CACNB1: variants seen among roughly 807,000 people sequenced by gnomAD.
CACNB1 encodes voltage-dependent L-type calcium channel subunit beta-1.
CACNB1 carries 29 observed loss-of-function variants against 71.6 expected under a neutral mutation model. That is an observed-to-expected ratio of 0.40 (90% CI 0.30 to 0.55). The LOEUF (loss-of-function observed/expected upper bound fraction) is 0.55. CACNB1 is among the 20% of genes least tolerant of loss of function. The pLI, the probability that CACNB1 is intolerant of heterozygous loss-of-function variation, is 0.38. For synonymous variants in CACNB1, 300 were observed against 319.6 expected (o/e 0.94, Z 0.65); for missense variants, 623 against 801.8 (o/e 0.78, Z 2.69).
chr17:39,182,382 G>T (rs183113060), intron 11 of CACNB1, among the ~76,000 whole-genome samples: 61 of 149,438 alleles, frequency 4.1e-4, no homozygotes, highest in Admixed American at 3.9e-3. Context: ...GATGATAATG[G>T]TTACCACTAT....
chr17:39,182,927 T>C, intron 11 of CACNB1: 1 of 980,134 alleles, frequency 1.0e-6, no homozygotes, highest in East Asian at 1.1e-4. Flanking sequence ...CAATCAGAGC[T>C]TGAATTTCAA....
At chr17:39,176,508 G>T (rs547690322) in intron 13 of CACNB1, among the ~76,000 whole-genome samples, 6 of 152,274 alleles carry the variant, frequency 3.9e-5, no homozygotes, top group African/African-American at 1.4e-4. Context: ...AGTGCTTCAG[G>T]GGTCCCCATG....
At chr17:39,177,282 C>T (rs765307057) in intron 13 of CACNB1, 68 bp downstream of exon 13, 1 of 1,608,934 alleles carries the variant, frequency 6.2e-7, no homozygotes, top group South Asian at 1.1e-5. Flanking sequence ...CACCACACTG[C>T]CCCGCTGTGA....
In CACNB1 at chr17:39,174,896, C is replaced by A. The variant is rs773069799; in HGVS notation, c.*297G>T. On this transcript the variant is annotated 3_prime_UTR_variant, in exon 14 of 14. Coordinates refer to ENST00000394303, the MANE Select transcript of CACNB1 (RefSeq NM_000723.5). ...AGTAGAAAGAGTTAAGGAAGTGCAC[C>A]TTTTCTCTAGGAGGGTGAGGGAGGA... 3 of 390,208 alleles carry A rather than the reference C, an allele frequency of 7.7e-6. No homozygotes were observed. The highest frequency in any genetic ancestry group is 4.3e-5 in the Admixed American group (1 of 23,522). 24.2% of individuals were successfully genotyped at this position (390,208 alleles called of 1,614,324 possible).
intron 3 of CACNB1, among the ~76,000 whole-genome samples, chr17:39,189,618 C>A (rs571676977): frequency 1.3e-3 from 202 of 151,182 alleles, no homozygotes; most frequent in African/African-American, 4.7e-3. Context: ...CCTGCCTCAG[C>A]CTCCCAAGTA....
chr17:39,185,092 G>C (rs774250047), intron 7 of CACNB1, 39 bp downstream of exon 7: 1 of 1,600,442 alleles, frequency 6.2e-7, no homozygotes, highest in Admixed American at 1.7e-5. Flanking sequence ...GCTCATCCCA[G>C]GGAGTGGGGA....
At chr17:39,189,330 T>C (rs1380265900) in intron 3 of CACNB1, among the ~76,000 whole-genome samples, 1 of 151,664 alleles carries the variant, frequency 6.6e-6, no homozygotes, top group Non-Finnish European at 1.5e-5. Context: ...GCCATTGCAC[T>C]CCAGCTTGGG....
chr17:39,184,223 T>C (rs2045870056), intron 9 of CACNB1, 83 bp from the exon 10 acceptor site: 2 of 1,292,850 alleles, frequency 1.5e-6, no homozygotes, highest in Non-Finnish European at 2.2e-6. Context: ...GCCCGCCTTC[T>C]GTTCCTCAGT....
chr17:39,197,437 A>G lies in CACNB1; in HGVS notation c.59T>C (p.Met20Thr). 1 of 1,480,144 alleles carries G rather than the reference A, an allele frequency of 6.8e-7. No individual in the cohort carries two copies. The highest frequency in any genetic ancestry group is 1.3e-5 in the South Asian group (1 of 74,808). The allele number at this position is 1,480,144 out of a possible 1,614,324, so 91.7% of individuals were successfully genotyped here. Residue 20 changes from methionine (M) to threonine (T), a missense_variant, in exon 1 of 14, where the codon ATG becomes ACG. By Grantham distance (81) the Met-to-Thr change is moderately conservative (BLOSUM62 -1). Transcript: ENST00000394303. ...GPYPPSQEIP[M>T]EVFDPSPQGK... ...CTGCGGGCTGGGGTCGAAGACCTCC[A>G]TGGGGATCTCCTGGGAGGGTGGGTA...
In CACNB1 at chr17:39,184,283, G is replaced by A. The variant is rs970159464; in HGVS notation, c.788+42C>T. On this transcript the variant is annotated intron_variant, in intron 9 of 13. Transcript: ENST00000394303. ...GGCATCCTGCCCATCCCCAGCAGCA[G>A]AGAGCAACGGCAGGTGCGAGGAGCA... 9 of 1,398,030 alleles carry A rather than the reference G, an allele frequency of 6.4e-6. No homozygotes were observed. The East Asian group carries it at 2.0e-4, about 31-fold the overall frequency. The allele number at this position is 1,398,030 out of a possible 1,614,324, so 86.6% of individuals were successfully genotyped here.
rs2046226447 is a variant in CACNB1, at chr17:39,197,498, A to AGAG, written c.-6_-4dup. The AGAG allele has an allele frequency of 8.7e-6, 13 of 1,491,842 alleles. No individual in the cohort carries two copies. The highest frequency in any genetic ancestry group is 1.2e-5 in the Non-Finnish European group (13 of 1,123,210). The allele number at this position is 1,491,842 out of a possible 1,614,324, so 92.4% of individuals were successfully genotyped here. ...GACATGCTGGTCTTCTGGACCATGGAGAGGAGCCTCCCCTCCCGCCGCCGG... is the reference window on the plus strand; with the variant it reads ...GACATGCTGGTCTTCTGGACCATGGAGAGGAGGAGCCTCCCCTCCCGCCGCCGG... On this transcript the variant is annotated 5_prime_UTR_variant, in exon 1 of 14. Transcript: ENST00000394303.
chr17:39,182,404 A>AT (rs1313165689), intron 11 of CACNB1, among the ~76,000 whole-genome samples: 1 of 151,684 alleles, frequency 6.6e-6, no homozygotes, highest in Admixed American at 6.6e-5. Flanking sequence ...GGCTGCCCTC[A>AT]TAAATCAGAG....
chr17:39,195,100 T>G, intron 1 of CACNB1, 130 bp from the exon 2 acceptor site: 7 of 631,962 alleles, frequency 1.1e-5, no homozygotes, highest in Non-Finnish European at 1.7e-5. Context: ...CCCCTGCACA[T>G]TCCTCCTGAG....
At chr17:39,195,331 A>G in intron 1 of CACNB1, 1 of 190,290 alleles carries the variant, frequency 5.3e-6, no homozygotes, top group Non-Finnish European at 1.1e-5. Context: ...GCCTCCGAGG[A>G]AGGGAGAGGC....
At chr17:39,193,771 G>A (rs561725845) in intron 2 of CACNB1, 12 of 212,586 alleles carry the variant, frequency 5.6e-5, no homozygotes, top group East Asian at 1.6e-4. Flanking sequence ...AAAGCACAGC[G>A]TCATTCTTCC....
intron 3 of CACNB1, among the ~76,000 whole-genome samples, chr17:39,190,968 G>A (rs2144162683): frequency 6.6e-6 from 1 of 152,008 alleles, no homozygotes; most frequent in East Asian, 2.0e-4. Flanking sequence ...ACTTTGGGAG[G>A]CTGAGGGGGG....
At chr17:39,190,999 T>G (rs1422034917) in intron 3 of CACNB1, among the ~76,000 whole-genome samples, 1 of 151,560 alleles carries the variant, frequency 6.6e-6, no homozygotes, top group Non-Finnish European at 1.5e-5. Flanking sequence ...GGTCAGGAGA[T>G]CGAGACCATC....
chr17:39,184,636 G>A, intron 8 of CACNB1, 148 bp downstream of exon 8: 2 of 661,424 alleles, frequency 3.0e-6, no homozygotes, highest in East Asian at 5.4e-5. Context: ...GGGTCTTTCT[G>A]TGGATTGGGC....
chr17:39,184,510 C>T (rs976182262), intron 8 of CACNB1, 127 bp from the exon 9 acceptor site: 11 of 669,406 alleles, frequency 1.6e-5, no homozygotes, highest in South Asian at 5.0e-5. Flanking sequence ...TTACGGCGGG[C>T]GGGGGTCTGA....
Sources: gnomAD v4.1 joint callset for allele counts (sites outside exome capture counted in the v4.1 genomes callset) on GRCh38, gnomAD v4.1.1 for gene constraint, MANE v1.5 for transcripts, NCBI Gene and HGNC (gene_info 2026-07-23, HGNC 2026-07-21) for gene names.